Variants in RNASE10 observed in about 807,000 individuals in gnomAD.
RNASE10 encodes inactive ribonuclease-like protein 10.
In RNASE10, 2 loss-of-function variants were observed where a neutral mutation model predicts 1.1. The ratio of observed to expected loss-of-function variants is 1.82; its 90% CI spans 0.74 to 5.73. The LOEUF is 5.73. Among genes scored for constraint, RNASE10 ranks in the 30% most tolerant of loss-of-function variants. The pLI, the probability that RNASE10 is intolerant of heterozygous loss-of-function variation, is 0.05. For missense variants in RNASE10, 276 were observed against 263.4 expected, an observed-to-expected ratio of 1.05 and a Z score of -0.33; for synonymous variants, 97 against 96.2, an observed-to-expected ratio of 1.01 and a Z score of -0.05.
chr14:20,504,568 G>T (rs1392670642), upstream of RNASE10, among the ~76,000 whole-genome samples: 1 of 149,482 alleles, frequency 6.7e-6, no homozygotes, highest in African/African-American at 2.5e-5. Context: ...GGCGCCTGTA[G>T]TCCCAGCTAC....
At chr14:20,512,887 A>G (rs887609886), downstream of RNASE10, among the ~76,000 whole-genome samples, 2 of 151,838 alleles carry the variant, frequency 1.3e-5, no homozygotes, top group Non-Finnish European at 2.9e-5. Context: ...GGTAAGGGGG[A>G]AAAAATGAGA....
chr14:20,510,888 A>G, exon 2 of RNASE10: 1 of 1,614,186 alleles, frequency 6.2e-7, no homozygotes, highest in Non-Finnish European at 8.5e-7. Flanking sequence ...CCCAGTATGC[A>G]TTCATCCATG....
At chr14:20,510,399 T>A in intron 1 of RNASE10, 68 bp from the exon 2 acceptor site, 1 of 1,540,414 alleles carries the variant, frequency 6.5e-7, no homozygotes, top group Non-Finnish European at 8.7e-7. Flanking sequence ...CTTAGTGAGA[T>A]TACAGTCTCT....
chr14:20,504,858 C>T (rs1002576538), upstream of RNASE10, among the ~76,000 whole-genome samples: 6 of 151,944 alleles, frequency 3.9e-5, no homozygotes, highest in Admixed American at 3.9e-4. Flanking sequence ...CTGAGGCCAA[C>T]GTAGCCTCAG....
intron 1 of RNASE10, among the ~76,000 whole-genome samples, chr14:20,508,676 GA>G (rs1471023322): frequency 6.6e-6 from 1 of 152,048 alleles, no homozygotes; most frequent in East Asian, 1.9e-4. Flanking sequence ...GGAAAGGGGG[GA>G]AAAACATGCT....
upstream of RNASE10, among the ~76,000 whole-genome samples, chr14:20,504,773 T>C (rs1319851964): frequency 6.8e-6 from 1 of 145,996 alleles, no homozygotes; most frequent in South Asian, 2.3e-4. Context: ...CACAGCATTC[T>C]ACCAACCATT....
intron 1 of RNASE10, among the ~76,000 whole-genome samples, chr14:20,507,027 C>T (rs1244382726): frequency 3.1e-4 from 47 of 150,900 alleles, no homozygotes; most frequent in Non-Finnish European, 4.7e-4. Flanking sequence ...CCGCCCTGTC[C>T]GGGAGGTGAG....
intron 1 of RNASE10, 50 bp from the exon 2 acceptor site, chr14:20,510,417 C>T: frequency 6.4e-7 from 1 of 1,563,834 alleles, no homozygotes; most frequent in Non-Finnish European, 8.6e-7. Context: ...TCTACTAGAG[C>T]CAATTTTGAT....
chr14:20,508,524 C>T (rs1451799627), intron 1 of RNASE10, among the ~76,000 whole-genome samples: 1 of 152,120 alleles, frequency 6.6e-6, no homozygotes, highest in Non-Finnish European at 1.5e-5. Context: ...AGTATCTCAG[C>T]GCCTGTGTTC....
At chr14:20,509,215 AT>A (rs1882833633) in intron 1 of RNASE10, among the ~76,000 whole-genome samples, 1 of 152,152 alleles carries the variant, frequency 6.6e-6, no homozygotes, top group Admixed American at 6.5e-5. Flanking sequence ...ATGCCGGCTA[AT>A]TTTTGTATTT....
At chr14:20,507,127 T>A (rs1236218974) in intron 1 of RNASE10, among the ~76,000 whole-genome samples, 1 of 146,140 alleles carries the variant, frequency 6.8e-6, no homozygotes, top group Non-Finnish European at 1.5e-5. Flanking sequence ...CAGCGGCTCA[T>A]TGGGGATGGG....
intron 1 of RNASE10, among the ~76,000 whole-genome samples, chr14:20,506,315 G>C (rs1882715018): frequency 7.6e-6 from 1 of 131,602 alleles, no homozygotes; most frequent in South Asian, 2.7e-4. Flanking sequence ...GGGAGGTGGG[G>C]GGGGTCAGCC....
intron 1 of RNASE10, 130 bp from the exon 2 acceptor site, chr14:20,510,335 AGG>A: frequency 7.6e-7 from 1 of 1,322,844 alleles, no homozygotes; most frequent in Non-Finnish European, 1.0e-6. Flanking sequence ...TGCCTTGAAG[AGG>A]GTAGAGTAAT....
chr14:20,510,729 C>G (rs75463308), exon 2 of RNASE10: 45,336 of 1,614,142 alleles, frequency 0.028, 978 homozygotes, highest in African/African-American at 0.097. Flanking sequence ...ATCCCATCCT[C>G]GGTGAAGATG....
chr14:20,509,462 C>T (rs892571189), intron 1 of RNASE10, among the ~76,000 whole-genome samples: 1 of 152,216 alleles, frequency 6.6e-6, no homozygotes. Flanking sequence ...AGCAAGACTA[C>T]TCAGATGTTA....
intron 1 of RNASE10, among the ~76,000 whole-genome samples, chr14:20,507,121 G>A (rs1308774192): frequency 1.5e-4 from 22 of 149,122 alleles, no homozygotes; most frequent in Non-Finnish European, 2.5e-4. Context: ...TGTGCCCAGC[G>A]GCTCATTGGG....
At chr14:20,513,827 G>A (rs1211885386), downstream of RNASE10, among the ~76,000 whole-genome samples, 2 of 152,100 alleles carry the variant, frequency 1.3e-5, no homozygotes, top group Non-Finnish European at 2.9e-5. Flanking sequence ...AGAAATTGTG[G>A]GATCTATATA....
chr14:20,508,844 A>G (rs960901460), intron 1 of RNASE10, among the ~76,000 whole-genome samples: 5 of 152,230 alleles, frequency 3.3e-5, no homozygotes, highest in African/African-American at 1.2e-4. Flanking sequence ...AGAGAACAGT[A>G]CATATAGGGC....
intron 1 of RNASE10, among the ~76,000 whole-genome samples, chr14:20,507,586 C>T (rs1239006911): frequency 1.5e-4 from 20 of 133,140 alleles, no homozygotes; most frequent in East Asian, 7.9e-4. Flanking sequence ...TCCCCCTCTG[C>T]GAGAAACACC....
Sources: gnomAD v4.1 joint callset for allele counts (sites outside exome capture counted in the v4.1 genomes callset) on GRCh38, gnomAD v4.1.1 for gene constraint, MANE v1.5 for transcripts, NCBI Gene and HGNC (gene_info 2026-07-23, HGNC 2026-07-21) for gene names.